Variants in CR1 observed in about 807,000 individuals in gnomAD.
CR1 encodes the protein complement receptor type 1.
In CR1, 116 loss-of-function variants were observed where a neutral mutation model predicts 187.3. That is an observed-to-expected ratio of 0.62 (90% CI 0.53 to 0.72). CR1 has a LOEUF of 0.72. Ranked by LOEUF, CR1 falls within the 30% of genes least tolerant of loss-of-function variation. The pLI is 0.00. For synonymous variants in CR1, 576 were observed against 747.1 expected (o/e 0.77, Z 3.73); for missense variants, 1,731 against 2,110.7 (o/e 0.82, Z 3.52).
chr1:207,496,489 C>T lies in CR1; in HGVS notation c.121+101C>T. 6 of 1,276,590 alleles carry T rather than the reference C, an allele frequency of 4.7e-6. No individual in the cohort carries two copies. The South Asian group carries it at 8.0e-5, about 17-fold the overall frequency. 79.1% of individuals were successfully genotyped at this position (1,276,590 alleles called of 1,614,324 possible). On this transcript the variant is annotated intron_variant, in intron 1 of 46. Transcript: ENST00000367049. Reference sequence around the variant, plus strand: ...CGCTGAGCTGCGCTGCTCTGCGCGCCCGGGTCCGAAGGCAGCGCGATGGGT... The same window carrying T: ...CGCTGAGCTGCGCTGCTCTGCGCGCTCGGGTCCGAAGGCAGCGCGATGGGT...
At chr1:207,579,844 C>A (rs1435489024) in intron 29 of CR1, among the ~76,000 whole-genome samples, 2 of 152,150 alleles carry the variant, frequency 1.3e-5, no homozygotes, top group Admixed American at 6.5e-5. Flanking sequence ...GGCAAGAACC[C>A]TTCCAGAGTA....
At chr1:207,608,408 A>G (rs570723157) in intron 36 of CR1, among the ~76,000 whole-genome samples, 2 of 152,328 alleles carry the variant, frequency 1.3e-5, no homozygotes, top group African/African-American at 2.4e-5. Context: ...GATATAATTA[A>G]ATTGTTACAA....
chr1:207,619,997 A>G lies in CR1; in HGVS notation c.7184A>G (p.Glu2395Gly), dbSNP rs1277185390. The G allele has an allele frequency of 6.2e-7, 1 of 1,613,866 alleles. No individual in the cohort carries two copies. The highest frequency in any genetic ancestry group is 8.5e-7 in the Non-Finnish European group (1 of 1,179,848). ...TLKCEDGYTL[E>G]GSPWSQCQAD... ...AAGTGTGAAGATGGGTATACTCTGGAAGGCAGTCCCTGGAGCCAGTGCCAG... is the reference window on the plus strand; with the variant it reads ...AAGTGTGAAGATGGGTATACTCTGGGAGGCAGTCCCTGGAGCCAGTGCCAG... The change falls in exon 43 of 47, where the codon GAA becomes GGA. Residue 2395 changes from glutamate (E) to glycine (G), a missense_variant. Coordinates refer to ENST00000367049, the MANE Select transcript of CR1 (RefSeq NM_000651.6).
intron 39 of CR1, among the ~76,000 whole-genome samples, chr1:207,612,407 A>G (rs1661961810): frequency 6.6e-6 from 1 of 152,262 alleles, no homozygotes; most frequent in South Asian, 2.1e-4. Context: ...CCCCATAAGA[A>G]GTAAGGTAGA....
intron 4 of CR1, among the ~76,000 whole-genome samples, chr1:207,513,694 T>G (rs1220877842): frequency 6.6e-6 from 1 of 151,030 alleles, no homozygotes; most frequent in Non-Finnish European, 1.5e-5. Context: ...ATTTAACTCT[T>G]TGTCTTCTTT....
rs763635626 is a variant in CR1 at position 207,506,775 on chromosome 1, C to G, written c.363C>G (p.Ile121Met). The G allele has an allele frequency of 6.2e-7, 1 of 1,613,632 alleles. No homozygotes were observed. Among genetic ancestry groups the G allele is most frequent in the Non-Finnish European group, 8.5e-7 (1 of 1,179,668 alleles). ...VNGMVHVIKG[I>M]QFGSQIKYSC... Reference sequence around the variant, plus strand: ...GCATGGTGCATGTGATCAAAGGCATCCAGTTCGGATCCCAAATTAAATATT... The same window carrying G: ...GCATGGTGCATGTGATCAAAGGCATGCAGTTCGGATCCCAAATTAAATATT... The change falls in exon 3 of 47, where the codon ATC (isoleucine) becomes ATG (methionine). Residue 121 changes from isoleucine to methionine, a missense_variant. Transcript: ENST00000367049.
intron 34 of CR1, among the ~76,000 whole-genome samples, chr1:207,588,313 G>A (rs902061399): frequency 2.0e-5 from 3 of 152,072 alleles, no homozygotes; most frequent in East Asian, 1.9e-4. Context: ...GGGATTACAG[G>A]CACCCACTCC....
chr1:207,496,872 G>A (rs1327845406), intron 1 of CR1, among the ~76,000 whole-genome samples: 1 of 152,188 alleles, frequency 6.6e-6, no homozygotes, highest in African/African-American at 2.4e-5. Context: ...TGGAGTTGCT[G>A]CCTCAGTGGC....
Position 207,578,208 on chromosome 1 carries a change from G to T in CR1, c.4936+5G>T, listed in dbSNP as rs1243650293. On this transcript the variant is annotated splice_donor_5th_base_variant and intron_variant, in intron 29 of 46. Coordinates refer to ENST00000367049, the MANE Select transcript of CR1 (RefSeq NM_000651.6). ...AGTTACCAAGCTGCTCCAGGGGTGAGTCTGACTGATGCCTAGAAGGGCCCT... is the reference window on the plus strand; with the variant it reads ...AGTTACCAAGCTGCTCCAGGGGTGATTCTGACTGATGCCTAGAAGGGCCCT... The T allele has an allele frequency of 1.3e-5, 21 of 1,611,846 alleles. No homozygotes were observed. The highest frequency in any genetic ancestry group is 1.7e-5 in the Non-Finnish European group (20 of 1,179,720).
intron 24 of CR1, among the ~76,000 whole-genome samples, chr1:207,567,612 T>C (rs1660543370): frequency 6.6e-6 from 1 of 150,402 alleles, no homozygotes; most frequent in Admixed American, 6.6e-5. Flanking sequence ...CAGGAACTGT[T>C]ACTATCCGGA....
At chr1:207,579,665 T>C (rs603237) in intron 29 of CR1, among the ~76,000 whole-genome samples, 10,379 of 152,236 alleles carry the variant, frequency 0.068, 1,183 homozygotes, top group African/African-American at 0.24. Flanking sequence ...TACATGTAAC[T>C]GAAATGGGTT....
chr1:207,578,921 T>C (rs1660850473), intron 29 of CR1, among the ~76,000 whole-genome samples: 1 of 152,202 alleles, frequency 6.6e-6, no homozygotes, highest in African/African-American at 2.4e-5. Context: ...CAGGCTGAAG[T>C]ACAGTGATAC....
In CR1 at chr1:207,611,874, C is replaced by T. The variant is rs144831504; in HGVS notation, c.6472+21C>T. The T allele has an allele frequency of 7.4e-6, 12 of 1,613,860 alleles. No individual in the cohort carries two copies. In the African/African-American group the frequency reaches 1.1e-4, roughly 14 times the overall value. ...TACAGGTGCCTTGACTCTCTGGCTT[C>T]CAGATTGCTCTGTTTTCCCCTTCAC... On this transcript the variant is annotated intron_variant, in intron 38 of 46. Transcript: ENST00000367049.
chr1:207,504,007 G>A (rs539613387), intron 1 of CR1, among the ~76,000 whole-genome samples: 1 of 152,212 alleles, frequency 6.6e-6, no homozygotes, highest in Admixed American at 6.5e-5. Context: ...AAATAAATTT[G>A]TGCTAGTTTT....
intron 4 of CR1, among the ~76,000 whole-genome samples, chr1:207,518,059 T>C (rs1249751002): frequency 6.6e-6 from 1 of 152,180 alleles, no homozygotes; most frequent in Non-Finnish European, 1.5e-5. Flanking sequence ...TTAATTTGTT[T>C]CCAACCTTTA....
At position 207,538,100 on chromosome 1, in the gene CR1, A is replaced by T. The variant is rs1660217686; in HGVS notation, c.1752-1881A>T. ...CATACATGTGATCTATATCATATAT[A>T]TATATATATATATATATATATATCA... On this transcript the variant is annotated intron_variant, in intron 11 of 46. Transcript: ENST00000367049. Among the ~76,000 whole-genome samples the T allele has an allele frequency of 1.1e-4, 2 of 18,868 alleles. 1 individual carries two copies. The highest frequency in any genetic ancestry group is 1.7e-4 in the Non-Finnish European group (2 of 11,472). The allele number at this position is 18,868 out of a possible 152,430, so 12.4% of individuals were successfully genotyped here. A position where few individuals can be genotyped will look rare whatever the true frequency, so the allele number is the denominator to read the frequency against.
Position 207,589,120 on chromosome 1 carries a change from A to T in CR1, c.5810+346A>T, listed in dbSNP as rs549214791. On this transcript the variant is annotated intron_variant, in intron 35 of 46. Transcript: ENST00000367049. ...CATGTAAACCTCCTTAACTGAGATC[A>T]GTAGGTAATACAGTTGAGTTGGAGG... Among the ~76,000 whole-genome samples, 5 of 152,362 alleles carry T rather than the reference A, an allele frequency of 3.3e-5. No individual in the cohort carries two copies. In the South Asian group the frequency reaches 1.0e-3, roughly 32 times the overall value.
In CR1 at chr1:207,580,433, G is replaced by T. The variant is rs371337109; in HGVS notation, c.5113+17G>T. ...GATGTGCAGGTGCCTCAACTCTCTG[G>T]CTTCCAGATTTCTCTCTTTACCCCA... On this transcript the variant is annotated intron_variant, in intron 30 of 46. Transcript: ENST00000367049. 13 of 1,611,086 alleles carry T rather than the reference G, an allele frequency of 8.1e-6. No individual in the cohort carries two copies. The East Asian group carries it at 2.7e-4, about 33-fold the overall frequency.
intron 35 of CR1, among the ~76,000 whole-genome samples, chr1:207,596,008 G>A (rs531637294): frequency 6.7e-6 from 1 of 148,994 alleles, no homozygotes; most frequent in East Asian, 2.0e-4. Flanking sequence ...AAAAAATAAG[G>A]AGAAAATGGT....
Sources: gnomAD v4.1 joint callset for allele counts (sites outside exome capture counted in the v4.1 genomes callset) on GRCh38, gnomAD v4.1.1 for gene constraint, MANE v1.5 for transcripts, NCBI Gene and HGNC (gene_info 2026-07-23, HGNC 2026-07-21) for gene names.